Variants in ANKRD30BL observed in about 807,000 individuals in gnomAD.
ANKRD30BL encodes the protein ankyrin repeat domain 30B like.
Under a neutral mutation model 18.4 loss-of-function variants are expected in ANKRD30BL, and 20 were observed. The ratio of observed to expected loss-of-function variants is 1.09; its 90% CI spans 0.77 to 1.58. The LOEUF (loss-of-function observed/expected upper bound fraction) is 1.58. Among genes scored for constraint, ANKRD30BL ranks in the 40% most tolerant of loss-of-function variants. The pLI, the probability that ANKRD30BL is intolerant of heterozygous loss-of-function variation, is 0.00. For synonymous variants in ANKRD30BL, 72 were observed against 100.9 expected (o/e 0.71, Z 1.72); for missense variants, 224 against 268.6 (o/e 0.83, Z 1.16).
chr2:132,238,806 C>G (rs796609239), intron 1 of ANKRD30BL, among the ~76,000 whole-genome samples: 7 of 152,028 alleles, frequency 4.6e-5, no homozygotes, highest in African/African-American at 1.7e-4. Flanking sequence ...AAAAACTAGA[C>G]AGAAGCATTC....
intron 1 of ANKRD30BL, among the ~76,000 whole-genome samples, chr2:132,215,659 T>G (rs372981301): frequency 6.6e-6 from 1 of 150,764 alleles, no homozygotes; most frequent in Non-Finnish European, 1.5e-5. Context: ...GTGGACATTT[T>G]GAGTGCTTTG....
chr2:132,191,492 C>T (rs567775109), intron 1 of ANKRD30BL, among the ~76,000 whole-genome samples: 1 of 151,968 alleles, frequency 6.6e-6, no homozygotes, highest in Non-Finnish European at 1.5e-5. Flanking sequence ...CTTTATACTC[C>T]CACCTAAATA....
chr2:132,162,776 C>T (rs1234643457), upstream of ANKRD30BL, among the ~76,000 whole-genome samples: 2 of 149,628 alleles, frequency 1.3e-5, no homozygotes, highest in African/African-American at 4.9e-5. Context: ...GCGCCCTGAG[C>T]GCTGGTTTGC....
chr2:132,193,448 CT>C (rs1241283372), intron 1 of ANKRD30BL, among the ~76,000 whole-genome samples: 1 of 152,196 alleles, frequency 6.6e-6, no homozygotes, highest in Admixed American at 6.5e-5. Context: ...GCCAGGACCA[CT>C]TTTCTGAGGC....
intron 1 of ANKRD30BL, among the ~76,000 whole-genome samples, chr2:132,254,651 G>A (rs536478348): frequency 6.6e-6 from 1 of 152,322 alleles, no homozygotes; most frequent in African/African-American, 2.4e-5. Context: ...GCCACATAGG[G>A]TAGGCACACG....
intron 1 of ANKRD30BL, among the ~76,000 whole-genome samples, chr2:132,232,089 C>T (rs900466189): frequency 7.7e-4 from 117 of 152,270 alleles, no homozygotes; most frequent in Admixed American, 2.8e-3. Context: ...ACACCTCACA[C>T]GGCAGGGTAT....
At chr2:132,171,341 A>G (rs545497521) in intron 1 of ANKRD30BL, among the ~76,000 whole-genome samples, 1 of 152,344 alleles carries the variant, frequency 6.6e-6, no homozygotes, top group South Asian at 2.1e-4. Flanking sequence ...ATCATCTCAA[A>G]GGCGAACCCA....
At chr2:132,170,078 A>G (rs184757741) in intron 1 of ANKRD30BL, among the ~76,000 whole-genome samples, 1,729 of 152,206 alleles carry the variant, frequency 0.011, 27 homozygotes, top group African/African-American at 0.038. Flanking sequence ...CTGATCCTCA[A>G]TTTTATATAC....
intron 1 of ANKRD30BL, among the ~76,000 whole-genome samples, chr2:132,167,275 T>TTTTTAATTTTA (rs1238241665): frequency 2.7e-5 from 3 of 111,194 alleles, no homozygotes; most frequent in Non-Finnish European, 3.6e-5. Context: ...CATTCATTTA[T>TTTTTAATTTTA]TTTTATTTTA....
At chr2:132,150,235 CAAAT>C (rs751113941) in intron 5 of ANKRD30BL, among the ~76,000 whole-genome samples, 1 of 149,558 alleles carries the variant, frequency 6.7e-6, no homozygotes, top group African/African-American at 2.5e-5. Context: ...AAGAAACAAA[CAAAT>C]AAATAATTTA....
chr2:132,234,418 A>G lies in ANKRD30BL; in HGVS notation n.441+23111T>C, dbSNP rs577223687. 3.9e-5 allele frequency among the ~76,000 whole-genome samples: 6 copies of G among 152,256 alleles called. No individual in the cohort carries two copies. In the South Asian group the frequency reaches 1.0e-3, roughly 26 times the overall value. On this transcript the variant is annotated intron_variant and non_coding_transcript_variant, in intron 1 of 4. Coordinates refer to the ANKRD30BL transcript ENST00000470729. Reference sequence around the variant, plus strand: ...CAGGAGCTGGTTTTTTGAAAGGATCAACAAAATTGATAGACAGCTAGCAAG... The same window carrying G: ...CAGGAGCTGGTTTTTTGAAAGGATCGACAAAATTGATAGACAGCTAGCAAG...
chr2:132,158,058 T>C (rs982221868), intron 1 of ANKRD30BL, among the ~76,000 whole-genome samples: 4 of 152,130 alleles, frequency 2.6e-5, no homozygotes, highest in Non-Finnish European at 5.9e-5. Flanking sequence ...ATTTAAACAA[T>C]CTTGTATTGG....
chr2:132,200,832 G>A (rs372746353), intron 1 of ANKRD30BL, among the ~76,000 whole-genome samples: 1,790 of 152,138 alleles, frequency 0.012, 15 homozygotes, highest in African/African-American at 0.036. Context: ...AGCCCGCATC[G>A]CCAAGTCAAT....
chr2:132,224,603 T>C (rs1311945405), intron 1 of ANKRD30BL, among the ~76,000 whole-genome samples: 1 of 152,138 alleles, frequency 6.6e-6, no homozygotes, highest in Non-Finnish European at 1.5e-5. Context: ...CAAATGGACA[T>C]TTTGAGAGCT....
chr2:132,222,742 G>T (rs981984121), intron 1 of ANKRD30BL, among the ~76,000 whole-genome samples: 1 of 133,864 alleles, frequency 7.5e-6, no homozygotes, highest in African/African-American at 2.7e-5. Flanking sequence ...AGAGACCTTT[G>T]TTCACTTGTT....
chr2:132,190,380 C>T (rs374116257), intron 1 of ANKRD30BL, among the ~76,000 whole-genome samples: 4,483 of 151,484 alleles, frequency 0.03, 97 homozygotes, highest in Non-Finnish European at 0.039. Flanking sequence ...CTAGAAAACA[C>T]CCATCAAAAG....
At chr2:132,165,013 G>A (rs1179061243), upstream of ANKRD30BL, among the ~76,000 whole-genome samples, 1 of 152,092 alleles carries the variant, frequency 6.6e-6, no homozygotes, top group Non-Finnish European at 1.5e-5. Context: ...TGCGGAGCTT[G>A]CAGTGAGCCG....
rs555705655 is a variant in ANKRD30BL, at chr2:132,225,608, G to T, written n.441+31921C>A. On this transcript the variant is annotated intron_variant and non_coding_transcript_variant, in intron 1 of 4. Coordinates refer to the ANKRD30BL transcript ENST00000470729. ...AGTTTTGAAACACTCTTTTTGTAGA[G>T]TCTACAAGTGGATATTTGGAACGCG... is the stretch of plus-strand genomic sequence containing the variant. Among the ~76,000 whole-genome samples the T allele has an allele frequency of 2.0e-5, 3 of 151,434 alleles. No individual in the cohort carries two copies. In the South Asian group the frequency reaches 6.3e-4, roughly 32 times the overall value.
At chr2:132,193,950 C>A (rs1287464939) in intron 1 of ANKRD30BL, among the ~76,000 whole-genome samples, 1 of 151,698 alleles carries the variant, frequency 6.6e-6, no homozygotes, top group Non-Finnish European at 1.5e-5. Context: ...ACAAGAAATA[C>A]GTCACCACTG....
Sources: allele counts gnomAD v4.1 joint callset (sites outside exome capture counted in the v4.1 genomes callset), GRCh38; gene constraint gnomAD v4.1.1; transcripts MANE v1.5; gene names NCBI Gene and HGNC (gene_info 2026-07-23, HGNC 2026-07-21).